The following CBFA2T3 variants were observed in gnomAD, a reference collection of about 807,000 sequenced individuals.
CBFA2T3 encodes the protein transcriptional corepressor CBFA2T3.
CBFA2T3 carries 31 observed loss-of-function variants against 58.6 expected under a neutral mutation model. The ratio of observed to expected loss-of-function variants is 0.53; its 90% CI spans 0.40 to 0.71. The LOEUF (loss-of-function observed/expected upper bound fraction) is 0.71. Ranked by LOEUF, CBFA2T3 falls within the 30% of genes least tolerant of loss-of-function variation. The pLI is 0.00. For synonymous variants in CBFA2T3, 531 were observed against 421.9 expected (o/e 1.26, Z -3.17); for missense variants, 1,076 against 963.1 (o/e 1.12, Z -1.55).
intron 11 of CBFA2T3, among the ~76,000 whole-genome samples, chr16:88,878,892 G>A (rs1026857870): frequency 6.6e-6 from 1 of 152,226 alleles, no homozygotes; most frequent in African/African-American, 2.4e-5. Context: ...GTTGTAATGA[G>A]CCGAGGTCAT....
chr16:88,926,564 G>C (rs974545962), intron 1 of CBFA2T3, among the ~76,000 whole-genome samples: 2 of 152,246 alleles, frequency 1.3e-5, no homozygotes, highest in Admixed American at 6.5e-5. Flanking sequence ...GTCACACCAG[G>C]TGGCCCTGGG....
chr16:88,891,420 T>A (rs1034680749), intron 5 of CBFA2T3, among the ~76,000 whole-genome samples: 1 of 152,048 alleles, frequency 6.6e-6, no homozygotes, highest in Non-Finnish European at 1.5e-5. Flanking sequence ...GATTTGAGAG[T>A]GGCTGTGGAC....
rs1969325612 is a variant in CBFA2T3, at chr16:88,885,474, C to T, written c.894-205G>A. Among the ~76,000 whole-genome samples, 1 of 152,120 alleles carries T rather than the reference C, an allele frequency of 6.6e-6. No individual in the cohort carries two copies. The highest frequency in any genetic ancestry group is 6.5e-5 in the Admixed American group (1 of 15,284). On this transcript the variant is annotated intron_variant, in intron 6 of 11. Coordinates refer to ENST00000268679, the MANE Select transcript of CBFA2T3 (RefSeq NM_005187.6). This position sits in a 1 kb window ranked among gnomAD's most constrained non-coding sequence, Gnocchi z 5.3. Reference sequence around the variant, plus strand: ...GCCCCTCTGCCGGGGCCCATGCCAGCCTCAACCCCTGCTCCAGCTGCATGG... The same window carrying T: ...GCCCCTCTGCCGGGGCCCATGCCAGTCTCAACCCCTGCTCCAGCTGCATGG...
chr16:88,902,583 C>T (rs1383860243), intron 1 of CBFA2T3: 2 of 151,494 alleles, frequency 1.3e-5, no homozygotes, highest in African/African-American at 4.9e-5. Context: ...ACAAGGTTAA[C>T]CGAAGGGCCT....
chr16:88,876,818 G>T lies in CBFA2T3; in HGVS notation c.*158C>A. 1.8e-6 allele frequency: 1 copy of T among 549,662 alleles called. No homozygotes were observed. Among genetic ancestry groups the T allele is most frequent in the Non-Finnish European group, 3.0e-6 (1 of 328,204 alleles). The allele number at this position is 549,662 out of a possible 1,614,324, so 34.0% of individuals were successfully genotyped here. A position where few individuals can be genotyped will look rare whatever the true frequency, so the allele number is the denominator to read the frequency against. ...GGTTCTGTGTCTTCTTTCGGAGAGG[G>T]GCAGTAGCAGCAGTGACTAATTGGT... On this transcript the variant is annotated 3_prime_UTR_variant, in exon 12 of 12. Coordinates refer to ENST00000268679, the MANE Select transcript of CBFA2T3 (RefSeq NM_005187.6).
chr16:88,892,055 T>C, intron 4 of CBFA2T3, 84 bp from the exon 5 acceptor site: 1 of 1,400,158 alleles, frequency 7.1e-7, no homozygotes, highest in Non-Finnish European at 1.0e-6. Context: ...GGAGGAGGCT[T>C]CCGTGTTGGA....
intron 1 of CBFA2T3, among the ~76,000 whole-genome samples, chr16:88,944,744 C>G (rs191617248): frequency 1.1e-4 from 17 of 152,248 alleles, no homozygotes; most frequent in Admixed American, 8.5e-4. Context: ...GTCACCTCCC[C>G]GCAGTCATGG....
chr16:88,960,469 C>G (rs1396775833), intron 1 of CBFA2T3, among the ~76,000 whole-genome samples: 2 of 152,236 alleles, frequency 1.3e-5, no homozygotes, highest in Middle Eastern at 6.3e-3. Context: ...TGGACTGGAA[C>G]CTACCGGAAC....
At chr16:88,879,237 G>A (rs1482971048) in intron 11 of CBFA2T3, 33 bp downstream of exon 11, 2 of 1,554,590 alleles carry the variant, frequency 1.3e-6, no homozygotes, top group South Asian at 2.3e-5. Flanking sequence ...GCCGAGGCAG[G>A]GGATGGGTGT....
chr16:88,898,064 G>A lies in CBFA2T3; in HGVS notation c.379+14C>T, dbSNP rs779539872. ...ACCTCTGGGGAGGCCTGCGGTTTTT[G>A]TTATTTTACTTACAGAGACAGACCA... On this transcript the variant is annotated intron_variant, in intron 3 of 11. Transcript: ENST00000268679. 5.7e-6 allele frequency: 9 copies of A among 1,590,326 alleles called. No homozygotes were observed. Among genetic ancestry groups the A allele is most frequent in the Non-Finnish European group, 7.7e-6 (9 of 1,163,902 alleles).
chr16:88,919,265 C>T (rs756349190), intron 1 of CBFA2T3, among the ~76,000 whole-genome samples: 11 of 152,150 alleles, frequency 7.2e-5, no homozygotes, highest in Non-Finnish European at 1.3e-4. Context: ...CAATGGAAAC[C>T]GGACACAGCA....
chr16:88,975,778 G>A (rs926333566), intron 1 of CBFA2T3, among the ~76,000 whole-genome samples: 12 of 152,364 alleles, frequency 7.9e-5, no homozygotes, highest in East Asian at 3.9e-4. Flanking sequence ...TCAGGCAGCC[G>A]CCGCCAGGAC....
In CBFA2T3 at chr16:88,973,009, C is replaced by T. The variant is rs149655780; in HGVS notation, c.151+3648G>A. 5.7e-3 allele frequency among the ~76,000 whole-genome samples: 865 copies of T among 152,340 alleles called. 10 individuals are homozygous for T. The highest frequency in any genetic ancestry group is 0.02 in the African/African-American group (829 of 41,574). On this transcript the variant is annotated intron_variant, in intron 1 of 11. Transcript: ENST00000268679. ...CCTCCCTGCCTCTGGCTGGAGCCCA[C>T]AGACACCCTGGCCGAGCTCTGCATG...
chr16:88,936,468 G>A (rs2142786874), intron 1 of CBFA2T3, among the ~76,000 whole-genome samples: 1 of 151,954 alleles, frequency 6.6e-6, no homozygotes, highest in South Asian at 2.1e-4. Context: ...CAGCCTCAGG[G>A]GCAGCCGAGT....
rs1968789015 is a variant in CBFA2T3, at chr16:88,875,283, T to C, written c.*1693A>G. 1 of 223,810 alleles carries C rather than the reference T, an allele frequency of 4.5e-6. No individual in the cohort carries two copies. The highest frequency in any genetic ancestry group is 1.8e-4 in the South Asian group (1 of 5,480). The allele number at this position is 223,810 out of a possible 1,614,324, so 13.9% of individuals were successfully genotyped here. On this transcript the variant is annotated 3_prime_UTR_variant, in exon 12 of 12. Transcript: ENST00000268679. ...TACTCGGTGCAAGCATGAATTTCTT[T>C]ATCCCTTTATTTCCTTCTTGAAATC...
At chr16:88,933,977 C>G (rs1014418028) in intron 1 of CBFA2T3, among the ~76,000 whole-genome samples, 1 of 152,210 alleles carries the variant, frequency 6.6e-6, no homozygotes, top group Non-Finnish European at 1.5e-5. Flanking sequence ...GCTTAAAAAT[C>G]AGTGCATGTC....
At chr16:88,975,159 CCCTG>C (rs1972797162) in intron 1 of CBFA2T3, among the ~76,000 whole-genome samples, 1 of 139,494 alleles carries the variant, frequency 7.2e-6, no homozygotes, top group African/African-American at 2.8e-5. Flanking sequence ...CAGAGGTCCA[CCCTG>C]ACCCTCTCTG....
At chr16:88,881,744 C>CT (rs959376033) in intron 8 of CBFA2T3, 4 of 461,550 alleles carry the variant, frequency 8.7e-6, no homozygotes, top group African/African-American at 8.0e-5. Flanking sequence ...TGGGATTCTC[C>CT]TTTTTAACCC....
intron 1 of CBFA2T3, chr16:88,940,241 G>GGCCCCAGC (rs1237942225): frequency 1.3e-5 from 2 of 155,514 alleles, no homozygotes; most frequent in African/African-American, 4.8e-5. Flanking sequence ...CACACGGGCG[G>GGCCCCAGC]ACGCAGGGGC....
Sources: gnomAD v4.1 joint callset for allele counts (sites outside exome capture counted in the v4.1 genomes callset) on GRCh38, gnomAD v4.1.1 for gene constraint, Gnocchi (gnomAD v3.1) non-coding constraint, MANE v1.5 for transcripts, NCBI Gene and HGNC (gene_info 2026-07-23, HGNC 2026-07-21) for gene names.